Variants in ZNF385D observed in about 807,000 individuals in gnomAD.
ZNF385D encodes the protein zinc finger protein 659.
ZNF385D carries 15 observed loss-of-function variants against 35.8 expected under a neutral mutation model. The observed-to-expected ratio is 0.42, with a 90% CI of 0.28 to 0.64. The LOEUF is 0.64. Among genes scored for constraint, ZNF385D ranks in the 30% least tolerant of loss-of-function variants. The pLI, the probability that ZNF385D is intolerant of heterozygous loss-of-function variation, is 0.23. For missense variants in ZNF385D, 474 were observed against 494.6 expected (o/e 0.96, Z 0.39); for synonymous variants, 212 against 186.8 (o/e 1.13, Z -1.10).
intron 3 of ZNF385D, among the ~76,000 whole-genome samples, chr3:22,060,961 G>C (rs1699657581): frequency 6.6e-6 from 1 of 151,466 alleles, no homozygotes; most frequent in South Asian, 2.1e-4. Flanking sequence ...TTAAAATTAA[G>C]TAATGACATT....
chr3:21,456,600 T>C (rs1367898728), intron 4 of ZNF385D, among the ~76,000 whole-genome samples: 2 of 150,320 alleles, frequency 1.3e-5, no homozygotes, highest in Admixed American at 6.6e-5. Context: ...GTGGGGGGAG[T>C]AAGGAGGGAT....
chr3:21,880,569 G>T (rs931801375), intron 3 of ZNF385D, among the ~76,000 whole-genome samples: 1 of 151,798 alleles, frequency 6.6e-6, no homozygotes. Flanking sequence ...CTGTCCTTCG[G>T]CCTCCCTATC....
chr3:21,956,937 A>C (rs1409897957), intron 3 of ZNF385D, among the ~76,000 whole-genome samples: 1 of 151,974 alleles, frequency 6.6e-6, no homozygotes, highest in Non-Finnish European at 1.5e-5. Context: ...TCCCCACCAA[A>C]ATGTCAACTT....
chr3:21,689,634 G>T (rs1313730293), intron 1 of ZNF385D, among the ~76,000 whole-genome samples: 1 of 152,126 alleles, frequency 6.6e-6, no homozygotes, highest in African/African-American at 2.4e-5. Context: ...ACAGATTATG[G>T]AGGAGGTCAG....
chr3:22,186,605 G>T lies in ZNF385D; in HGVS notation c.107-17570C>A, dbSNP rs562314182. Among the ~76,000 whole-genome samples, 26 of 151,900 alleles carry T rather than the reference G, an allele frequency of 1.7e-4. 1 individual carries two copies. The highest frequency in any genetic ancestry group is 5.9e-4 in the Admixed American group (9 of 15,242). On this transcript the variant is annotated intron_variant, in intron 2 of 5. Coordinates refer to the ZNF385D transcript ENST00000494108. The stretch of plus-strand genomic sequence containing the variant: ...TTCTGATTTTGATCTGACTTTCCTT[G>T]TAAGTCTGTATACAAGGGGCAAATG...
At chr3:22,150,783 G>A (rs1275361755) in intron 3 of ZNF385D, among the ~76,000 whole-genome samples, 4 of 152,086 alleles carry the variant, frequency 2.6e-5, no homozygotes, top group Non-Finnish European at 5.9e-5. Flanking sequence ...AGAAGCTTTA[G>A]CTTAATCTGA....
chr3:21,455,702 C>G (rs1372916849), intron 4 of ZNF385D, among the ~76,000 whole-genome samples: 6 of 152,210 alleles, frequency 3.9e-5, no homozygotes, highest in African/African-American at 1.4e-4. Flanking sequence ...GTCTAAAACA[C>G]CAAAAGCAAT....
At chr3:21,962,064 C>T (rs1306822196) in intron 3 of ZNF385D, among the ~76,000 whole-genome samples, 1 of 152,016 alleles carries the variant, frequency 6.6e-6, no homozygotes, top group African/African-American at 2.4e-5. Flanking sequence ...AGGGTATTAC[C>T]TGGTTATATG....
chr3:22,219,238 C>G (rs1698090716), intron 2 of ZNF385D, among the ~76,000 whole-genome samples: 1 of 152,102 alleles, frequency 6.6e-6, no homozygotes, highest in Non-Finnish European at 1.5e-5. Flanking sequence ...TTTCAGTGCT[C>G]TCCTAGATGT....
chr3:21,735,929 A>G (rs957409972), intron 1 of ZNF385D, among the ~76,000 whole-genome samples: 3 of 152,238 alleles, frequency 2.0e-5, no homozygotes, highest in Non-Finnish European at 4.4e-5. Context: ...TCTACTTTAC[A>G]TAAATGTCCC....
chr3:22,029,206 G>A (rs894209519), intron 3 of ZNF385D, among the ~76,000 whole-genome samples: 11 of 152,196 alleles, frequency 7.2e-5, no homozygotes, highest in African/African-American at 1.4e-4. Flanking sequence ...AGGCTAAGAA[G>A]GGAGTTACAG....
At chr3:21,589,141 A>C (rs1291269068) in intron 2 of ZNF385D, among the ~76,000 whole-genome samples, 1 of 152,198 alleles carries the variant, frequency 6.6e-6, no homozygotes, top group African/African-American at 2.4e-5. Flanking sequence ...AGTTTGGAAA[A>C]GTATTGAATT....
intron 3 of ZNF385D, among the ~76,000 whole-genome samples, chr3:22,090,600 C>G (rs1184614577): frequency 6.6e-6 from 1 of 151,976 alleles, no homozygotes; most frequent in Non-Finnish European, 1.5e-5. Context: ...GTCACAGGAC[C>G]GATATTGCTA....
At position 21,424,322 on chromosome 3, in the gene ZNF385D, T is replaced by A. The variant is rs1246155037; in HGVS notation, c.853-258A>T. ...ATATTTATATATATATATATATTTT[T>A]TTTTTTTTTTGAGATGGAGTCTCAC... On this transcript the variant is annotated intron_variant, in intron 6 of 7. Coordinates refer to ENST00000281523, the MANE Select transcript of ZNF385D (RefSeq NM_024697.3). Among the ~76,000 whole-genome samples the A allele has an allele frequency of 2.5e-3, 315 of 123,818 alleles. 15 individuals carry two copies. In the East Asian group the frequency reaches 0.042, roughly 17 times the overall value. The allele number at this position is 123,818 out of a possible 152,430, so 81.2% of individuals were successfully genotyped here. A position where few individuals can be genotyped will look rare whatever the true frequency, so the allele number is the denominator to read the frequency against.
rs1302994160 is a variant in ZNF385D, at chr3:22,279,590, GTACATATA to G, written c.106+92852_106+92859del. Among the ~76,000 whole-genome samples the G allele has an allele frequency of 2.1e-3, 252 of 121,180 alleles. 4 individuals are homozygous for G. Among genetic ancestry groups the G allele is most frequent in the African/African-American group, 0.01 (226 of 22,436 alleles). The allele number at this position is 121,180 out of a possible 152,430, so 79.5% of individuals were successfully genotyped here. On this transcript the variant is annotated intron_variant, in intron 2 of 5. Coordinates refer to the ZNF385D transcript ENST00000494108. The stretch of plus-strand genomic sequence containing the variant: ...TATATATGTATATACATATACATAT[GTACATATA>G]TATGTATATACATATACATATATGT...
Position 22,064,277 on chromosome 3 carries a change from GTTGT to G in ZNF385D, c.325+104536_325+104539del, listed in dbSNP as rs141068864. ...AAAGAGATTCTCTAACACAAATGGT[GTTGT>G]TTAAGGAGTAGGAAATTTAATTAGA... On this transcript the variant is annotated intron_variant, in intron 3 of 5. Coordinates refer to the ZNF385D transcript ENST00000494108. Among the ~76,000 whole-genome samples the G allele has an allele frequency of 6.7e-3, 1,025 of 152,314 alleles. 16 individuals are homozygous for G. The highest frequency in any genetic ancestry group is 0.023 in the African/African-American group (976 of 41,558).
intron 3 of ZNF385D, among the ~76,000 whole-genome samples, chr3:21,917,080 A>G (rs373745845): frequency 3.9e-5 from 6 of 152,216 alleles, no homozygotes; most frequent in Non-Finnish European, 8.8e-5. Context: ...AATAGAGTCC[A>G]TTAAAGAATT....
At chr3:21,561,931 C>T (rs1414891506) in intron 3 of ZNF385D, 2 of 152,178 alleles carry the variant, frequency 1.3e-5, no homozygotes, top group Non-Finnish European at 2.9e-5. Context: ...TGTGTTGTTT[C>T]AGGCCACTGA....
At chr3:22,005,691 G>C (rs865957017) in intron 3 of ZNF385D, among the ~76,000 whole-genome samples, 8 of 151,946 alleles carry the variant, frequency 5.3e-5, no homozygotes, top group African/African-American at 1.9e-4. Flanking sequence ...CCCACTTGAG[G>C]AACTGTCCTC....
Sources: gnomAD v4.1 joint callset for allele counts (sites outside exome capture counted in the v4.1 genomes callset) on GRCh38, gnomAD v4.1.1 for gene constraint, MANE v1.5 for transcripts, NCBI Gene and HGNC (gene_info 2026-07-23, HGNC 2026-07-21) for gene names.